The following LTF variants were observed in gnomAD, a reference collection of about 807,000 sequenced individuals.
LTF encodes lactotransferrin, also known as epididymis luminal protein 110.
A neutral mutation model predicts 87.2 loss-of-function variants in LTF; 91 were observed. The ratio of observed to expected loss-of-function variants is 1.04; its 90% CI spans 0.88 to 1.24. The LOEUF (loss-of-function observed/expected upper bound fraction) is 1.24. LTF is among the 50% of genes most tolerant of loss of function. The probability of loss-of-function intolerance (pLI) is 0.00; values close to 1 mark genes in which losing one functional copy is unlikely to be tolerated. For synonymous variants in LTF, 378 were observed against 356.1 expected (o/e 1.06, Z -0.69); for missense variants, 901 against 904.3 (o/e 1.00, Z 0.05).
intron 1 of LTF, among the ~76,000 whole-genome samples, chr3:46,480,948 A>G (rs1030373990): frequency 2.0e-5 from 3 of 152,202 alleles, no homozygotes; most frequent in African/African-American, 7.2e-5. Flanking sequence ...GCAGCCCTGG[A>G]CAGCAGGTAC....
chr3:46,484,739 CA>C (rs1350062601), intron 1 of LTF, among the ~76,000 whole-genome samples: 1 of 152,216 alleles, frequency 6.6e-6, no homozygotes, highest in African/African-American at 2.4e-5. Context: ...TGAAGTCAGA[CA>C]TTCCCAGCAG....
At chr3:46,437,907 G>A (rs377638631) in intron 16 of LTF, 33 bp downstream of exon 16, 37 of 1,592,088 alleles carry the variant, frequency 2.3e-5, no homozygotes, top group Non-Finnish European at 3.1e-5. Flanking sequence ...ACCCATGGTG[G>A]TTTCTCGGGG....
At chr3:46,440,107 ACT>A (rs1484476314) in intron 14 of LTF, among the ~76,000 whole-genome samples, 1 of 152,126 alleles carries the variant, frequency 6.6e-6, no homozygotes, top group Non-Finnish European at 1.5e-5. Flanking sequence ...TGGCTGCACA[ACT>A]CTGTGAATGT....
intron 6 of LTF, among the ~76,000 whole-genome samples, chr3:46,452,891 C>T (rs1702837714): frequency 6.6e-6 from 1 of 152,174 alleles, no homozygotes; most frequent in Admixed American, 6.5e-5. Context: ...ATCTTCAAAT[C>T]TTATTTTAGG....
chr3:46,438,955 T>C (rs909703900), intron 15 of LTF, among the ~76,000 whole-genome samples: 3 of 152,050 alleles, frequency 2.0e-5, no homozygotes, highest in African/African-American at 7.2e-5. Flanking sequence ...AAAAGCACTA[T>C]ACTAATGCAT....
chr3:46,437,876 G>C (rs1702422185), intron 16 of LTF, 64 bp downstream of exon 16: 4 of 1,289,302 alleles, frequency 3.1e-6, no homozygotes, highest in African/African-American at 1.5e-5. Context: ...AATGCTGTTT[G>C]GCCCTCAAAC....
rs141357150 is a variant in LTF, at chr3:46,450,645, G to T, written c.732C>A (p.Asp244Glu). The T allele has an allele frequency of 1.4e-5, 22 of 1,613,270 alleles. No homozygotes were observed. The highest frequency in any genetic ancestry group is 6.7e-5 in the Admixed American group (4 of 60,008). Residue 244 changes from aspartate to glutamate, a missense_variant, in exon 7 of 17, where the codon GAC becomes GAA. Asp to Glu is a conservative substitution (Grantham distance 45). Transcript: ENST00000231751. ...FEDLSDEAER[D>E]EYELLCPDNT... ...TGTCTGGGCAGAGTAACTCATACTC[G>T]TCCCTTTCAGCCTCGTCTGACAGGT...
intron 6 of LTF, 26 bp downstream of exon 6, chr3:46,454,279 C>T: frequency 6.2e-7 from 1 of 1,610,286 alleles, no homozygotes; most frequent in Non-Finnish European, 8.5e-7. Flanking sequence ...GGGGTCAGTA[C>T]CCACGGCTCA....
At chr3:46,456,871 T>C (rs1480210395) in intron 2 of LTF, among the ~76,000 whole-genome samples, 5 of 152,238 alleles carry the variant, frequency 3.3e-5, no homozygotes, top group Admixed American at 2.0e-4. Context: ...GATAGTTTAG[T>C]GGTCCCCAAC....
chr3:46,446,425 C>T lies in LTF; in HGVS notation c.1357+15G>A, dbSNP rs1327574735. On this transcript the variant is annotated intron_variant, in intron 11 of 16. Transcript: ENST00000231751. ...AACTTATCCTTGACCCTGAAAGTGG[C>T]TAATGCCAACTCACCTTCCACAGGT... 3.7e-6 allele frequency: 6 copies of T among 1,609,544 alleles called. No homozygotes were observed. In the Admixed American group the frequency reaches 8.4e-5, roughly 22 times the overall value.
chr3:46,483,591 A>G (rs1170152822), intron 1 of LTF, among the ~76,000 whole-genome samples: 2 of 152,168 alleles, frequency 1.3e-5, no homozygotes, highest in Admixed American at 1.3e-4. Flanking sequence ...GTGAGGCCAC[A>G]AGATAGGGGA....
chr3:46,458,500 G>A (rs370293574), intron 2 of LTF, among the ~76,000 whole-genome samples: 1 of 152,028 alleles, frequency 6.6e-6, no homozygotes, highest in East Asian at 1.9e-4. Context: ...CATATATTCA[G>A]ATTGAGTAGG....
At chr3:46,458,605 G>A (rs890485622) in intron 2 of LTF, among the ~76,000 whole-genome samples, 18 of 152,174 alleles carry the variant, frequency 1.2e-4, no homozygotes, top group Middle Eastern at 3.4e-3. Flanking sequence ...ATGGAGTCTC[G>A]CTCTTGTCGC....
At chr3:46,453,407 G>A (rs1702848804) in intron 6 of LTF, among the ~76,000 whole-genome samples, 1 of 151,988 alleles carries the variant, frequency 6.6e-6, no homozygotes, top group Admixed American at 6.5e-5. Context: ...TGCATGTGGG[G>A]TCTGTCTCTG....
chr3:46,466,830 G>T (rs1253085384), upstream of LTF, among the ~76,000 whole-genome samples: 3 of 152,216 alleles, frequency 2.0e-5, no homozygotes, highest in African/African-American at 7.2e-5. Context: ...TTGGCAACAA[G>T]ACTTTGCCTT....
At chr3:46,468,460 C>A (rs1426894086), upstream of LTF, 1 of 400,604 alleles carries the variant, frequency 2.5e-6, no homozygotes, top group Admixed American at 2.7e-5. Flanking sequence ...AGGCTGACTC[C>A]CTTCCCCCTA....
intron 1 of LTF, among the ~76,000 whole-genome samples, chr3:46,462,778 GA>G (rs1354478417): frequency 6.6e-6 from 1 of 152,094 alleles, no homozygotes; most frequent in East Asian, 1.9e-4. Context: ...GGAGAGAGGG[GA>G]CAGCACTGAG....
At chr3:46,463,553 A>T in intron 1 of LTF, 1 of 985,532 alleles carries the variant, frequency 1.0e-6, no homozygotes, top group Non-Finnish European at 1.2e-6. Context: ...TTTGGGGTAC[A>T]AGCCACCATC....
chr3:46,441,257 G>T (rs1702509043), intron 14 of LTF, among the ~76,000 whole-genome samples, 159 bp downstream of exon 14: 1 of 152,140 alleles, frequency 6.6e-6, no homozygotes, highest in African/African-American at 2.4e-5. Flanking sequence ...ACCTACAGAT[G>T]TTATCATGTT....
Sources: gnomAD v4.1 joint callset for allele counts (sites outside exome capture counted in the v4.1 genomes callset) on GRCh38, gnomAD v4.1.1 for gene constraint, MANE v1.5 for transcripts, NCBI Gene and HGNC (gene_info 2026-07-23, HGNC 2026-07-21) for gene names.